The following FOXK2 variants were observed in gnomAD, a reference collection of about 807,000 sequenced individuals.
The protein encoded by FOXK2 is forkhead box protein K2.
A neutral mutation model predicts 53.3 loss-of-function variants in FOXK2; 24 were observed. That is an observed-to-expected ratio of 0.45 (90% CI 0.33 to 0.63). FOXK2 has a LOEUF of 0.63. Among genes scored for constraint, FOXK2 ranks in the 30% least tolerant of loss-of-function variants. FOXK2 has a pLI of 0.03. For missense variants in FOXK2, 952 were observed against 910.5 expected (o/e 1.05, Z -0.59); for synonymous variants, 505 against 407.1 (o/e 1.24, Z -2.89).
Position 82,582,859 on chromosome 17 carries a change from T to C in FOXK2, c.1028T>C (p.Ile343Thr). The C allele has an allele frequency of 6.2e-7, 1 of 1,613,518 alleles. No homozygotes were observed. ...GACCCAGCCTCTGAAAGCAAATTAATAGAACAGGCTTTTAGGAAACGACGG... is the reference window on the plus strand; with the variant it reads ...GACCCAGCCTCTGAAAGCAAATTAACAGAACAGGCTTTTAGGAAACGACGG... Reference protein sequence around the residue: ...RIDPASESKLIEQAFRKRRPR... With the variant: ...RIDPASESKLTEQAFRKRRPR... Residue 343 changes from isoleucine (I) to threonine (T), a missense_variant, in exon 5 of 9, where the codon ATA (isoleucine) becomes ACA (threonine). This residue lies in a region of FOXK2 where 160 missense variants were observed against 214.2 expected (regional missense o/e 0.75). Coordinates refer to ENST00000335255, the MANE Select transcript of FOXK2 (RefSeq NM_004514.4).
At chr17:82,586,445 TG>T (rs1218464909) in intron 7 of FOXK2, among the ~76,000 whole-genome samples, 17 of 18,866 alleles carry the variant, frequency 9.0e-4, no homozygotes, top group Admixed American at 8.1e-4. Context: ...AGGTCAAAGG[TG>T]GGCCGGGGGG....
At chr17:82,570,019 G>A (rs4789797) in intron 3 of FOXK2, among the ~76,000 whole-genome samples, 83,991 of 150,900 alleles carry the variant, frequency 0.56, 23,736 homozygotes, top group South Asian at 0.76. Context: ...TCAGGAGATC[G>A]AGACCATCCT....
chr17:82,524,825 G>T (rs1415979621), intron 1 of FOXK2, among the ~76,000 whole-genome samples: 1 of 152,150 alleles, frequency 6.6e-6, no homozygotes, highest in Non-Finnish European at 1.5e-5. Context: ...TGCCTCCCAC[G>T]TGTGGCTGGC....
intron 1 of FOXK2, among the ~76,000 whole-genome samples, chr17:82,562,581 TAA>T (rs376861309): frequency 7.0e-6 from 1 of 143,046 alleles, no homozygotes. Context: ...ACTCTGTTTC[TAA>T]AAAAAAAAAG....
intron 1 of FOXK2, among the ~76,000 whole-genome samples, chr17:82,522,535 ATTTT>A (rs71369020): frequency 6.7e-6 from 1 of 149,316 alleles, no homozygotes; most frequent in African/African-American, 2.5e-5. Flanking sequence ...CGCCCAGCTA[ATTTT>A]TTTTTGTATT....
At chr17:82,531,800 CTG>C (rs1448519258) in intron 1 of FOXK2, among the ~76,000 whole-genome samples, 3 of 152,202 alleles carry the variant, frequency 2.0e-5, no homozygotes, top group African/African-American at 7.2e-5. Flanking sequence ...TAGGACGTGA[CTG>C]TACACCGCTG....
chr17:82,582,195 T>C (rs1251116395), intron 4 of FOXK2, among the ~76,000 whole-genome samples: 1 of 152,208 alleles, frequency 6.6e-6, no homozygotes, highest in African/African-American at 2.4e-5. Flanking sequence ...AGCTAAGTCA[T>C]TGCCTCCACC....
At chr17:82,555,900 A>C (rs954552627) in intron 1 of FOXK2, among the ~76,000 whole-genome samples, 7 of 136,364 alleles carry the variant, frequency 5.1e-5, no homozygotes, top group Admixed American at 2.2e-4. Context: ...AAAAAAAAAA[A>C]AAAAAAAAAA....
intron 1 of FOXK2, among the ~76,000 whole-genome samples, chr17:82,535,427 C>G (rs2044510713): frequency 1.3e-5 from 2 of 152,254 alleles, no homozygotes; most frequent in East Asian, 3.9e-4. Context: ...TTCTTTCTGC[C>G]CATTTCAAAC....
intron 1 of FOXK2, among the ~76,000 whole-genome samples, chr17:82,552,872 G>A (rs1167034546): frequency 6.6e-6 from 1 of 152,192 alleles, no homozygotes. Context: ...GCTCCAAACC[G>A]GAGAGGTGCT....
chr17:82,541,472 C>T (rs1026495344), intron 1 of FOXK2, among the ~76,000 whole-genome samples: 8 of 151,972 alleles, frequency 5.3e-5, no homozygotes, highest in African/African-American at 1.7e-4. Context: ...GGGGTTTAAC[C>T]ATGTTGGCCA....
intron 1 of FOXK2, among the ~76,000 whole-genome samples, chr17:82,538,795 T>G (rs564258707): frequency 6.6e-6 from 1 of 152,264 alleles, no homozygotes; most frequent in Non-Finnish European, 1.5e-5. Context: ...TGGACAACAC[T>G]GAGGCCCAGC....
At chr17:82,569,646 C>T (rs1000212058) in intron 3 of FOXK2, among the ~76,000 whole-genome samples, 2 of 152,076 alleles carry the variant, frequency 1.3e-5, no homozygotes, top group African/African-American at 4.8e-5. Context: ...TTTTTAGAAA[C>T]ATAGAAAAAA....
At chr17:82,566,806 G>A (rs890621940) in intron 2 of FOXK2, among the ~76,000 whole-genome samples, 1 of 152,056 alleles carries the variant, frequency 6.6e-6, no homozygotes, top group African/African-American at 2.4e-5. Flanking sequence ...GGGAACCCAG[G>A]TCCCCGGGGC....
chr17:82,566,463 G>T (rs971649782), intron 2 of FOXK2, among the ~76,000 whole-genome samples: 1 of 152,072 alleles, frequency 6.6e-6, no homozygotes, highest in Non-Finnish European at 1.5e-5. Context: ...TAACTGAGTG[G>T]GCCAAATAGT....
chr17:82,539,068 G>C (rs1476403942), intron 1 of FOXK2, among the ~76,000 whole-genome samples: 1 of 152,222 alleles, frequency 6.6e-6, no homozygotes. Context: ...AAATAGAAAA[G>C]TATTGAAGCT....
chr17:82,538,426 A>G (rs1315249064), intron 1 of FOXK2, among the ~76,000 whole-genome samples: 2 of 152,214 alleles, frequency 1.3e-5, no homozygotes, highest in Non-Finnish European at 1.5e-5. Flanking sequence ...TTGAGGCTGT[A>G]GTGAGCCATG....
intron 1 of FOXK2, among the ~76,000 whole-genome samples, chr17:82,545,018 T>C (rs1050544187): frequency 6.6e-6 from 1 of 152,198 alleles, no homozygotes; most frequent in Non-Finnish European, 1.5e-5. Flanking sequence ...TACTTGAGCT[T>C]TTCTCGGACC....
chr17:82,585,521 G>GC (rs1331950363), intron 6 of FOXK2, among the ~76,000 whole-genome samples: 1 of 152,044 alleles, frequency 6.6e-6, no homozygotes, highest in African/African-American at 2.4e-5. Context: ...GTCTCCCTAT[G>GC]CCCAGGCTGA....
Sources: gnomAD v4.1 joint callset for allele counts (sites outside exome capture counted in the v4.1 genomes callset) on GRCh38, gnomAD v4.1.1 for gene constraint, gnomAD v4.1.1 regional missense constraint, MANE v1.5 for transcripts, NCBI Gene and HGNC (gene_info 2026-07-23, HGNC 2026-07-21) for gene names.